NRDE2: variants seen among roughly 807,000 people sequenced by gnomAD.
NRDE2 encodes the protein nuclear exosome regulator NRDE2.
Under a neutral mutation model 124.2 loss-of-function variants are expected in NRDE2, and 76 were observed. The ratio of observed to expected loss-of-function variants is 0.61; its 90% confidence interval spans 0.51 to 0.74. The LOEUF is 0.74. Among genes scored for constraint, NRDE2 ranks in the 30% least tolerant of loss-of-function variants. The pLI, the probability that NRDE2 is intolerant of heterozygous loss-of-function variation, is 0.00. For synonymous variants in NRDE2, 489 were observed against 528.1 expected, an observed-to-expected ratio of 0.93 and a Z score of 1.01; for missense variants, 1,314 against 1,417.3, an observed-to-expected ratio of 0.93 and a Z score of 1.17.
Position 90,312,410 on chromosome 14 carries a change from G to T in NRDE2, c.541C>A (p.Arg181=). ...GGTGACTACCTTGCTATATCCCCTC[G>T]GTAGAGAGACTTGTACTCCCAGTTC... The part of the protein sequence containing the change: ...PANWEYKSLY[R]GDIARYKRKG... The change falls in exon 4 of 14, where the codon CGA becomes AGA. Residue 181 remains arginine, a synonymous_variant. Coordinates refer to ENST00000354366, the MANE Select transcript of NRDE2 (RefSeq NM_017970.4). The T allele has an allele frequency of 6.2e-7, 1 of 1,613,800 alleles. No homozygotes were observed. The highest frequency in any genetic ancestry group is 8.5e-7 in the Non-Finnish European group (1 of 1,179,908).
intron 1 of NRDE2, among the ~76,000 whole-genome samples, chr14:90,330,317 C>T (rs1885637102): frequency 6.6e-6 from 1 of 152,148 alleles, no homozygotes. Context: ...TAGGTGCACT[C>T]ATGCATTCCT....
chr14:90,269,149 T>C lies in NRDE2; in HGVS notation c.*9187A>G, dbSNP rs1891596128. On this transcript the variant is annotated 3_prime_UTR_variant, in exon 14 of 14. Coordinates refer to ENST00000354366, the MANE Select transcript of NRDE2 (RefSeq NM_017970.4). ...GCTCTGCCTCATGCCTTTAGCCCTT[T>C]CCAAAAGGCCTCATCTCTTAGCCAC... 2 of 460,722 alleles carry C rather than the reference T, an allele frequency of 4.3e-6. No individual in the cohort carries two copies. The highest frequency in any genetic ancestry group is 6.0e-5 in the South Asian group (2 of 33,148). 28.5% of individuals were successfully genotyped at this position (460,722 alleles called of 1,614,324 possible).
At chr14:90,295,794 C>A (rs1383663339) in intron 8 of NRDE2, among the ~76,000 whole-genome samples, 1 of 152,208 alleles carries the variant, frequency 6.6e-6, no homozygotes, top group Non-Finnish European at 1.5e-5. Context: ...AGAAAATTTT[C>A]AGCCTTTCTT....
chr14:90,314,338 A>G (rs1884963289), intron 3 of NRDE2, among the ~76,000 whole-genome samples: 1 of 152,240 alleles, frequency 6.6e-6, no homozygotes, highest in Non-Finnish European at 1.5e-5. Flanking sequence ...TGTGGAAATA[A>G]ATAATTCTTC....
chr14:90,295,878 C>T (rs1473284548), intron 8 of NRDE2, among the ~76,000 whole-genome samples: 1 of 152,182 alleles, frequency 6.6e-6, no homozygotes, highest in Non-Finnish European at 1.5e-5. Flanking sequence ...GCAAGTTTCT[C>T]CATAATGGAA....
chr14:90,290,106 G>A, intron 10 of NRDE2, 115 bp downstream of exon 10: 1 of 1,124,720 alleles, frequency 8.9e-7, no homozygotes, highest in Non-Finnish European at 1.3e-6. Context: ...GTCACTGGAG[G>A]AGGAGGTGCT....
At chr14:90,287,033 CAA>C (rs60863011) in intron 11 of NRDE2, among the ~76,000 whole-genome samples, 1,307 of 23,616 alleles carry the variant, frequency 0.055, 8 homozygotes, top group African/African-American at 0.15. Context: ...GACTCCGTCT[CAA>C]AAAAAAAAAA....
chr14:90,310,978 T>C (rs907281910), intron 4 of NRDE2, among the ~76,000 whole-genome samples: 2 of 152,178 alleles, frequency 1.3e-5, no homozygotes, highest in Non-Finnish European at 2.9e-5. Flanking sequence ...AGTAGGTAGA[T>C]TAAATATGTA....
intron 4 of NRDE2, among the ~76,000 whole-genome samples, chr14:90,306,642 C>T (rs1031254864): frequency 2.6e-5 from 4 of 152,092 alleles, no homozygotes; most frequent in Non-Finnish European, 5.9e-5. Context: ...GAAACCCCGT[C>T]TCTACTAACT....
chr14:90,284,350 AT>A (rs546656748), intron 12 of NRDE2, among the ~76,000 whole-genome samples: 8,829 of 134,236 alleles, frequency 0.066, 339 homozygotes, highest in East Asian at 0.19. Context: ...TTTTTTTTCT[AT>A]TTTTTTTTTT....
chr14:90,270,406 A>G lies in NRDE2; in HGVS notation c.*7930T>C, dbSNP rs1217233683. 2.5e-6 allele frequency: 4 copies of G among 1,572,508 alleles called. No homozygotes were observed. Among genetic ancestry groups the G allele is most frequent in the East Asian group, 4.5e-5 (2 of 44,042 alleles). ...CTGGGAATGTGGCCGTCAATCAGGA[A>G]AGAGTCTATATGTGCTCTTGGGATG... On this transcript the variant is annotated 3_prime_UTR_variant, in exon 14 of 14. Transcript: ENST00000354366.
At position 90,272,514 on chromosome 14, in the gene NRDE2, T is replaced by G; in HGVS notation, c.*5822A>C. 1.4e-6 allele frequency: 1 copy of G among 706,104 alleles called. No homozygotes were observed. Among genetic ancestry groups the G allele is most frequent in the East Asian group, 2.8e-5 (1 of 35,436 alleles). 43.7% of individuals were successfully genotyped at this position (706,104 alleles called of 1,614,324 possible). A position where few individuals can be genotyped will look rare whatever the true frequency, so the allele number is the denominator to read the frequency against. On this transcript the variant is annotated 3_prime_UTR_variant, in exon 14 of 14. Transcript: ENST00000354366. The surrounding 1 kb of genome is among the most constrained non-coding windows in gnomAD (Gnocchi z 4.5). Reference sequence around the variant, plus strand: ...GAATCCCTGTTCCCACTGATTTTTATTAGCAAAACATCCTGTGTCTTTTGG... The same window carrying G: ...GAATCCCTGTTCCCACTGATTTTTAGTAGCAAAACATCCTGTGTCTTTTGG...
chr14:90,330,749 A>T (rs939125379), intron 1 of NRDE2, among the ~76,000 whole-genome samples: 1 of 151,164 alleles, frequency 6.6e-6, no homozygotes, highest in Non-Finnish European at 1.5e-5. Context: ...CTGAGGCGGC[A>T]GTGAGTTATG....
chr14:90,285,996 A>C (rs923558307), intron 12 of NRDE2, among the ~76,000 whole-genome samples: 3 of 152,234 alleles, frequency 2.0e-5, no homozygotes, highest in Admixed American at 6.5e-5. Flanking sequence ...ATAGCAAAGA[A>C]TATAGGTCTC....
intron 7 of NRDE2, among the ~76,000 whole-genome samples, chr14:90,298,939 T>C (rs1030302410): frequency 2.6e-5 from 4 of 152,206 alleles, no homozygotes; most frequent in African/African-American, 9.7e-5. Flanking sequence ...AGTAACTATA[T>C]ATTCCTAACA....
rs1892191783 is a variant in NRDE2, at chr14:90,288,898, A to G, written c.2477T>C (p.Leu826Pro). 1 of 1,613,966 alleles carries G rather than the reference A, an allele frequency of 6.2e-7. No homozygotes were observed. The highest frequency in any genetic ancestry group is 1.7e-5 in the Admixed American group (1 of 60,006). The part of the protein sequence containing the change: ...KDSDLCELSL[L>P]YAELEVELSP... ...CAGCTCCACCTCCAGCTCAGCATAG[A>G]GCAGACTGAGCTCACAGAGGTCAGA... Residue 826 changes from leucine to proline, a missense_variant, in exon 11 of 14, where the codon CTC becomes CCC. Physicochemically the swap from Leu to Pro is moderately conservative, Grantham distance 98. Coordinates refer to ENST00000354366, the MANE Select transcript of NRDE2 (RefSeq NM_017970.4).
intron 1 of NRDE2, among the ~76,000 whole-genome samples, chr14:90,318,773 T>C (rs1381638354): frequency 1.3e-5 from 2 of 152,166 alleles, no homozygotes; most frequent in Non-Finnish European, 2.9e-5. Flanking sequence ...CACTCCAGCA[T>C]GGATGACAGA....
At chr14:90,290,105 G>T in intron 10 of NRDE2, 116 bp downstream of exon 10, 2 of 1,120,702 alleles carry the variant, frequency 1.8e-6, no homozygotes, top group African/African-American at 3.1e-5. Context: ...GGTCACTGGA[G>T]GAGGAGGTGC....
chr14:90,288,922 G>A lies in NRDE2; in HGVS notation c.2453C>T (p.Ser818Phe), dbSNP rs1892192591. ...GMAGSRELKD[S>F]DLCELSLLYA... ...GAGCAGACTGAGCTCACAGAGGTCAGAGTCTTTCAGTTCTCTGCTTCCTGC... is the reference window on the plus strand; with the variant it reads ...GAGCAGACTGAGCTCACAGAGGTCAAAGTCTTTCAGTTCTCTGCTTCCTGC... The change falls in exon 11 of 14, where the codon TCT (serine) becomes TTT (phenylalanine). Residue 818 changes from serine to phenylalanine, a missense_variant. Coordinates refer to ENST00000354366, the MANE Select transcript of NRDE2 (RefSeq NM_017970.4). The A allele has an allele frequency of 6.2e-7, 1 of 1,613,254 alleles. No individual in the cohort carries two copies. Among genetic ancestry groups the A allele is most frequent in the Non-Finnish European group, 8.5e-7 (1 of 1,179,336 alleles).
Sources: allele counts gnomAD v4.1 joint callset (sites outside exome capture counted in the v4.1 genomes callset), GRCh38; gene constraint gnomAD v4.1.1; non-coding constraint Gnocchi (gnomAD v3.1); transcripts MANE v1.5; gene names NCBI Gene and HGNC (gene_info 2026-07-23, HGNC 2026-07-21).